Variants in GAP43 observed in about 807,000 individuals in gnomAD.
GAP43 encodes growth associated protein 43.
In GAP43, 6 loss-of-function variants were observed where a neutral mutation model predicts 18.6. The ratio of observed to expected loss-of-function variants is 0.32; its 90% CI spans 0.18 to 0.64. GAP43 has a LOEUF of 0.64. Among genes scored for constraint, GAP43 ranks in the 30% least tolerant of loss-of-function variants. GAP43 has a pLI of 0.78. For synonymous variants in GAP43, 115 were observed against 111.4 expected, an observed-to-expected ratio of 1.03 and a Z score of -0.20; for missense variants, 292 against 295.5, an observed-to-expected ratio of 0.99 and a Z score of 0.09.
At position 115,683,130 on chromosome 3, in the gene GAP43, C is replaced by T. The variant is rs1434029445; in HGVS notation, c.628+6520C>T. Among the ~76,000 whole-genome samples, 24 of 107,922 alleles carry T rather than the reference C, an allele frequency of 2.2e-4. 1 individual carries two copies. The highest frequency in any genetic ancestry group is 6.9e-4 in the African/African-American group (22 of 31,978). 70.8% of individuals were successfully genotyped at this position (107,922 alleles called of 152,430 possible). The stretch of plus-strand genomic sequence containing the variant: ...TTTTTTCTCTACATACATGTGCGCG[C>T]GCGTGCGCGCGCGCGCGCACACACA... On this transcript the variant is annotated intron_variant, in intron 2 of 2. Transcript: ENST00000305124.
At chr3:115,716,757 T>C (rs1480768117) in intron 2 of GAP43, among the ~76,000 whole-genome samples, 9 of 114,414 alleles carry the variant, frequency 7.9e-5, no homozygotes, top group South Asian at 5.6e-4. Flanking sequence ...TATATATATA[T>C]ATATATATAT....
At chr3:115,623,884 G>A (rs905029153) in intron 1 of GAP43, among the ~76,000 whole-genome samples, 165 bp downstream of exon 1, 1 of 152,104 alleles carries the variant, frequency 6.6e-6, no homozygotes, top group African/African-American at 2.4e-5. Flanking sequence ...ATTCTTTTCT[G>A]TCTTTCATGC....
At chr3:115,652,347 T>C (rs1423358270) in intron 1 of GAP43, among the ~76,000 whole-genome samples, 1 of 138,330 alleles carries the variant, frequency 7.2e-6, no homozygotes, top group Non-Finnish European at 1.6e-5. Flanking sequence ...ATGATTCTTA[T>C]CCAGCATTCT....
At chr3:115,640,172 T>G (rs1017567398) in intron 1 of GAP43, among the ~76,000 whole-genome samples, 6 of 152,122 alleles carry the variant, frequency 3.9e-5, no homozygotes, top group African/African-American at 1.4e-4. Flanking sequence ...ATAATTTTTC[T>G]GTTTAGAGAA....
intron 1 of GAP43, among the ~76,000 whole-genome samples, chr3:115,674,038 A>G (rs1168712772): frequency 6.6e-6 from 1 of 152,210 alleles, no homozygotes; most frequent in Non-Finnish European, 1.5e-5. Context: ...TAACAGCCCC[A>G]CATCATGATT....
At chr3:115,703,005 CA>C (rs2107369245) in intron 2 of GAP43, among the ~76,000 whole-genome samples, 1 of 152,070 alleles carries the variant, frequency 6.6e-6, no homozygotes, top group East Asian at 1.9e-4. Context: ...TTTAAGAAAG[CA>C]AAAGGCTAAG....
chr3:115,657,060 T>C (rs138898807), intron 1 of GAP43, among the ~76,000 whole-genome samples: 19 of 152,342 alleles, frequency 1.2e-4, no homozygotes, highest in Non-Finnish European at 2.4e-4. Flanking sequence ...CAAAACTCTT[T>C]TGTATTAGTT....
intron 1 of GAP43, among the ~76,000 whole-genome samples, chr3:115,648,522 C>T (rs1708485640): frequency 6.6e-6 from 1 of 152,102 alleles, no homozygotes; most frequent in East Asian, 1.9e-4. Flanking sequence ...ATTGGCAGAA[C>T]TGATAAAAGG....
At chr3:115,623,963 ATT>A (rs370210677) in intron 1 of GAP43, among the ~76,000 whole-genome samples, 4 of 148,784 alleles carry the variant, frequency 2.7e-5, no homozygotes, top group South Asian at 2.1e-4. Context: ...GCTAGAAATA[ATT>A]TTTTTTTTTC....
intron 1 of GAP43, among the ~76,000 whole-genome samples, chr3:115,629,408 CTT>C (rs35316613): frequency 1.7e-4 from 24 of 144,616 alleles, no homozygotes; most frequent in Non-Finnish European, 2.3e-4. Context: ...CCCCCCTGCT[CTT>C]TTTTTTTTTT....
chr3:115,716,718 A>T (rs1356139351), intron 2 of GAP43, among the ~76,000 whole-genome samples: 1 of 9,090 alleles, frequency 1.1e-4, no homozygotes, highest in Non-Finnish European at 2.0e-4. Context: ...TCTCAGACAA[A>T]TATATATATA....
rs116776932 is a variant in GAP43, at chr3:115,667,317, G to A, written c.31-8696G>A. Among the ~76,000 whole-genome samples the A allele has an allele frequency of 7.9e-3, 1,200 of 152,284 alleles. 15 individuals carry two copies. The highest frequency in any genetic ancestry group is 0.027 in the African/African-American group (1,115 of 41,558). ...GGGGAAAGACAGAGAAGTGGACCAA[G>A]AGTGACAACATTTGAAGAAGGGTGT... On this transcript the variant is annotated intron_variant, in intron 1 of 2. Transcript: ENST00000305124.
chr3:115,686,000 C>T (rs1408270149), intron 2 of GAP43, among the ~76,000 whole-genome samples: 1 of 152,104 alleles, frequency 6.6e-6, no homozygotes, highest in Non-Finnish European at 1.5e-5. Flanking sequence ...AAAAATAAAA[C>T]AAAACTCTAA....
chr3:115,667,249 T>A (rs1708745763), intron 1 of GAP43, among the ~76,000 whole-genome samples: 1 of 152,132 alleles, frequency 6.6e-6, no homozygotes, highest in South Asian at 2.1e-4. Context: ...GTTCAGTTAG[T>A]AATAAAATAA....
At chr3:115,659,033 C>G (rs1433593312) in intron 1 of GAP43, 1 of 152,388 alleles carries the variant, frequency 6.6e-6, no homozygotes, top group East Asian at 1.9e-4. Context: ...TCTTGTACCG[C>G]CCACTTTTTC....
intron 1 of GAP43, among the ~76,000 whole-genome samples, chr3:115,626,768 C>T (rs1473396705): frequency 1.3e-5 from 2 of 152,158 alleles, no homozygotes; most frequent in South Asian, 2.1e-4. Context: ...CCCAGCCCCC[C>T]ATCCATGCCA....
chr3:115,688,205 A>G (rs1390044391), intron 2 of GAP43, among the ~76,000 whole-genome samples: 2 of 151,990 alleles, frequency 1.3e-5, no homozygotes, highest in African/African-American at 2.4e-5. Context: ...TTTGGTAGAG[A>G]TGAGGTTTCG....
chr3:115,665,956 G>A (rs1708726550), intron 1 of GAP43, among the ~76,000 whole-genome samples: 1 of 151,464 alleles, frequency 6.6e-6, no homozygotes, highest in African/African-American at 2.4e-5. Context: ...GGATCAATGG[G>A]ATAGATACTG....
intron 1 of GAP43, among the ~76,000 whole-genome samples, chr3:115,651,658 C>T (rs1708519255): frequency 6.6e-6 from 1 of 152,152 alleles, no homozygotes; most frequent in Admixed American, 6.5e-5. Flanking sequence ...ACCTCAAAAG[C>T]ATATAGTAAT....
Sources: allele counts gnomAD v4.1 joint callset (sites outside exome capture counted in the v4.1 genomes callset), GRCh38; gene constraint gnomAD v4.1.1; transcripts MANE v1.5; gene names NCBI Gene and HGNC (gene_info 2026-07-23, HGNC 2026-07-21).